WDR41: variants seen among roughly 807,000 people sequenced by gnomAD.
WDR41 encodes the protein WD repeat domain 41.
Under a neutral mutation model 69.3 loss-of-function variants are expected in WDR41, and 63 were observed. The observed-to-expected ratio is 0.91, with a 90% confidence interval of 0.74 to 1.12. The LOEUF (loss-of-function observed/expected upper bound fraction) is 1.12, where lower values mean the gene tolerates loss of function less well. WDR41 is among the 50% of genes most tolerant of loss of function. The pLI is 0.00. For synonymous variants in WDR41, 185 were observed against 192.1 expected (o/e 0.96, Z 0.31); for missense variants, 543 against 534.5 (o/e 1.02, Z -0.16).
intron 1 of WDR41, among the ~76,000 whole-genome samples, chr5:77,534,103 G>A (rs1298029064): frequency 1.3e-5 from 2 of 152,046 alleles, no homozygotes; most frequent in Admixed American, 1.3e-4. Flanking sequence ...TGAATCTAAA[G>A]ATTCTACCCC....
chr5:77,495,069 GA>G (rs1801917099), upstream of WDR41, among the ~76,000 whole-genome samples: 1 of 151,992 alleles, frequency 6.6e-6, no homozygotes, highest in Non-Finnish European at 1.5e-5. Context: ...CAGCACAAAA[GA>G]AATTATAAAA....
At chr5:77,468,842 T>C (rs1282372983) in intron 2 of WDR41, among the ~76,000 whole-genome samples, 1 of 152,220 alleles carries the variant, frequency 6.6e-6, no homozygotes, top group African/African-American at 2.4e-5. Flanking sequence ...CTCATCATTT[T>C]TTTTGTACAG....
chr5:77,584,306 T>A (rs1743998123), intron 1 of WDR41, among the ~76,000 whole-genome samples: 1 of 152,168 alleles, frequency 6.6e-6, no homozygotes, highest in Non-Finnish European at 1.5e-5. Flanking sequence ...ATTATCTTTA[T>A]TAGCAGATGA....
chr5:77,439,352 G>C (rs2151289446), intron 9 of WDR41, among the ~76,000 whole-genome samples: 1 of 152,238 alleles, frequency 6.6e-6, no homozygotes, highest in South Asian at 2.1e-4. Flanking sequence ...TGCCCCCAAG[G>C]CTTGCTGGAA....
chr5:77,480,297 C>G (rs1275674246), intron 2 of WDR41: 2 of 109,170 alleles, frequency 1.8e-5, no homozygotes, highest in Non-Finnish European at 3.6e-5. Flanking sequence ...CTAGAAATAC[C>G]ATTTGACCCA....
intron 2 of WDR41, among the ~76,000 whole-genome samples, chr5:77,481,242 T>C (rs1253801112): frequency 6.6e-6 from 1 of 151,912 alleles, no homozygotes; most frequent in East Asian, 2.0e-4. Flanking sequence ...ACTCCTTACC[T>C]TGTGATCCAC....
intron 1 of WDR41, among the ~76,000 whole-genome samples, chr5:77,566,847 T>C (rs952875563): frequency 6.6e-6 from 1 of 152,018 alleles, no homozygotes; most frequent in Non-Finnish European, 1.5e-5. Context: ...GGGGGTCTGG[T>C]TTTCCTAACA....
At chr5:77,468,585 G>A (rs1275632362) in intron 2 of WDR41, among the ~76,000 whole-genome samples, 4 of 152,106 alleles carry the variant, frequency 2.6e-5, no homozygotes, top group Non-Finnish European at 4.4e-5. Context: ...TCATGTGAAG[G>A]CCTTTCAACT....
At chr5:77,571,434 A>G (rs1345373792) in intron 1 of WDR41, among the ~76,000 whole-genome samples, 1 of 152,160 alleles carries the variant, frequency 6.6e-6, no homozygotes, top group Non-Finnish European at 1.5e-5. Context: ...TTAAAAATGA[A>G]GATGAGGAAG....
At chr5:77,615,687 CAAAAAAAAA>C (rs10695519) in intron 1 of WDR41, among the ~76,000 whole-genome samples, 4 of 79,392 alleles carry the variant, frequency 5.0e-5, no homozygotes, top group East Asian at 9.0e-4. Context: ...TACTGCAAGT[CAAAAAAAAA>C]AAAAAAAAAA....
At chr5:77,558,096 A>T (rs370341003) in intron 1 of WDR41, among the ~76,000 whole-genome samples, 4 of 95,496 alleles carry the variant, frequency 4.2e-5, no homozygotes, top group Admixed American at 1.2e-4. Context: ...GTTCTTTTTA[A>T]AAAAAAAAAA....
intron 2 of WDR41, among the ~76,000 whole-genome samples, chr5:77,480,931 C>T (rs689661): frequency 0.57 from 86,686 of 151,784 alleles, 26,673 homozygotes; most frequent in African/African-American, 0.8. Flanking sequence ...GGAGGACTCC[C>T]ACTACTAGAG....
At chr5:77,608,558 A>T (rs1744473866) in intron 1 of WDR41, among the ~76,000 whole-genome samples, 1 of 152,254 alleles carries the variant, frequency 6.6e-6, no homozygotes, top group Non-Finnish European at 1.5e-5. Context: ...CCTAAAAGCC[A>T]CATGTAGTCA....
chr5:77,581,918 C>T (rs773256785), intron 1 of WDR41, among the ~76,000 whole-genome samples: 1 of 152,060 alleles, frequency 6.6e-6, no homozygotes, highest in Non-Finnish European at 1.5e-5. Flanking sequence ...AATAACCTAA[C>T]CTAACACCTT....
At chr5:77,470,383 T>C (rs996840763) in intron 2 of WDR41, among the ~76,000 whole-genome samples, 3 of 151,986 alleles carry the variant, frequency 2.0e-5, no homozygotes, top group African/African-American at 7.2e-5. Flanking sequence ...ACAAGCAAAA[T>C]AACCAGCTAA....
intron 2 of WDR41, among the ~76,000 whole-genome samples, chr5:77,485,332 G>A (rs907740607): frequency 1.3e-5 from 2 of 152,184 alleles, no homozygotes; most frequent in African/African-American, 4.8e-5. Context: ...GAAAGAATAT[G>A]TTTAGCTTGA....
At chr5:77,482,790 T>C (rs1040463849) in intron 2 of WDR41, among the ~76,000 whole-genome samples, 4 of 151,762 alleles carry the variant, frequency 2.6e-5, no homozygotes, top group African/African-American at 9.7e-5. Context: ...GACATAATGA[T>C]TATTTTCAGC....
chr5:77,449,771 A>G lies in WDR41; in HGVS notation c.686T>C (p.Ile229Thr). Residue 229 changes from isoleucine (I) to threonine (T), a missense_variant, in exon 8 of 13, where the codon ATT (isoleucine) becomes ACT (threonine). Ile to Thr is a moderately conservative substitution (Grantham distance 89, BLOSUM62 -1). Coordinates refer to ENST00000296679, the MANE Select transcript of WDR41 (RefSeq NM_018268.4). ...CACAATGAGCTTACCATTGACATTA[A>G]TCAATGAGAGAATATTATCCTGGTG... ...LDHQDNILSL[I>T]NVNDLSFVTG... 6.3e-7 allele frequency: 1 copy of G among 1,598,312 alleles called. No homozygotes were observed. The highest frequency in any genetic ancestry group is 8.6e-7 in the Non-Finnish European group (1 of 1,165,696).
chr5:77,600,280 A>G (rs1347433231), intron 1 of WDR41, among the ~76,000 whole-genome samples: 1 of 152,210 alleles, frequency 6.6e-6, no homozygotes, highest in Non-Finnish European at 1.5e-5. Flanking sequence ...AGCAAGAAAA[A>G]ACCGACACAT....
Sources: gnomAD v4.1 joint callset for allele counts (sites outside exome capture counted in the v4.1 genomes callset) on GRCh38, gnomAD v4.1.1 for gene constraint, MANE v1.5 for transcripts, NCBI Gene and HGNC (gene_info 2026-07-23, HGNC 2026-07-21) for gene names.